The following KCNQ1 variants were observed in gnomAD, a reference collection of about 807,000 sequenced individuals.
The protein encoded by KCNQ1 is potassium voltage-gated channel subfamily KQT member 1.
In KCNQ1, 49 loss-of-function variants were observed where a neutral mutation model predicts 72.4. The observed-to-expected ratio is 0.68, with a 90% CI of 0.54 to 0.86. KCNQ1 has a LOEUF of 0.86. Ranked by LOEUF, KCNQ1 falls within the 40% of genes least tolerant of loss-of-function variation. The pLI is 0.00. For missense variants in KCNQ1, 790 were observed against 945.1 expected (o/e 0.84, Z 2.15); for synonymous variants, 450 against 412.6 (o/e 1.09, Z -1.10).
chr11:2,523,952 C>T (rs1462629555), intron 1 of KCNQ1, among the ~76,000 whole-genome samples: 4 of 151,842 alleles, frequency 2.6e-5, no homozygotes, highest in South Asian at 4.2e-4. Context: ...GTGCATGACT[C>T]GCAGACATGG....
chr11:2,641,395 T>C (rs1849574782), intron 10 of KCNQ1: 1 of 367,894 alleles, frequency 2.7e-6, no homozygotes, highest in Admixed American at 4.7e-5. Context: ...GATGTTGGGC[T>C]TTTTTTTTTA....
rs1484270750 is a variant in KCNQ1 at position 2,598,617 on chromosome 11, A to G, written c.1393+9763A>G. Among the ~76,000 whole-genome samples, 4 of 152,120 alleles carry G rather than the reference A, an allele frequency of 2.6e-5. No individual in the cohort carries two copies. Among genetic ancestry groups the G allele is most frequent in the African/African-American group, 9.7e-5 (4 of 41,398 alleles). ...TCTGCTCTGCCCTTAGTTAAAAAAAAAAAACCCTAATACATCTGCCAAATT... is the reference window on the plus strand; with the variant it reads ...TCTGCTCTGCCCTTAGTTAAAAAAAGAAAACCCTAATACATCTGCCAAATT... On this transcript the variant is annotated intron_variant, in intron 10 of 15. Transcript: ENST00000155840. The surrounding 1 kb of genome is among the most constrained non-coding windows in gnomAD (Gnocchi z 6.2).
rs1377522902 is a variant in KCNQ1 at position 2,734,675 on chromosome 11, C to G, written c.1515-34169C>G. Among the ~76,000 whole-genome samples, 3 of 151,814 alleles carry G rather than the reference C, an allele frequency of 2.0e-5. No individual in the cohort carries two copies. Among genetic ancestry groups the G allele is most frequent in the African/African-American group, 7.3e-5 (3 of 41,322 alleles). ...GGGGTAGCTTCCTGAAGAGATGAGT[C>G]AGGTCCCAGGCACATTCAGTGCCAG... On this transcript the variant is annotated intron_variant, in intron 11 of 15. Coordinates refer to ENST00000155840, the MANE Select transcript of KCNQ1 (RefSeq NM_000218.3). The surrounding 1 kb of genome is among the most constrained non-coding windows in gnomAD (Gnocchi z 7.0).
intron 11 of KCNQ1, among the ~76,000 whole-genome samples, chr11:2,707,315 C>T (rs1300016024): frequency 6.6e-6 from 1 of 152,212 alleles, no homozygotes; most frequent in Middle Eastern, 3.2e-3. Flanking sequence ...GAATAAAAAG[C>T]AGACATTGCA....
At chr11:2,489,355 C>T (rs1024392101) in intron 1 of KCNQ1, among the ~76,000 whole-genome samples, 3 of 152,222 alleles carry the variant, frequency 2.0e-5, no homozygotes, top group African/African-American at 7.2e-5. Context: ...AGCATTTAAA[C>T]CAGCCCTAGC....
chr11:2,606,814 A>G (rs953679124), intron 10 of KCNQ1, among the ~76,000 whole-genome samples: 5 of 151,910 alleles, frequency 3.3e-5, no homozygotes, highest in African/African-American at 1.2e-4. Flanking sequence ...AAGTGGAAAG[A>G]GCAGATCTCT....
rs1266101114 is a variant in KCNQ1, at chr11:2,626,983, A to G, written c.1394-34978A>G. ...TAACATCATTAGGATTTTTATTGGG[A>G]TTACCTTGGATTTGTAGATTGTTTT... On this transcript the variant is annotated intron_variant, in intron 10 of 15. Coordinates refer to ENST00000155840, the MANE Select transcript of KCNQ1 (RefSeq NM_000218.3). The surrounding 1 kb of genome is among the most constrained non-coding windows in gnomAD (Gnocchi z 4.0). 6 of 398,380 alleles carry G rather than the reference A, an allele frequency of 1.5e-5. No individual in the cohort carries two copies. Among genetic ancestry groups the G allele is most frequent in the Non-Finnish European group, 2.7e-5 (6 of 226,034 alleles). The allele number at this position is 398,380 out of a possible 1,614,324, so 24.7% of individuals were successfully genotyped here.
rs1205376840 is a variant in KCNQ1 at position 2,849,019 on chromosome 11, G to C, written c.*1016G>C. 2.6e-5 allele frequency: 12 copies of C among 454,028 alleles called. No homozygotes were observed. The highest frequency in any genetic ancestry group is 5.3e-5 in the Non-Finnish European group (12 of 226,790). 28.1% of individuals were successfully genotyped at this position (454,028 alleles called of 1,614,324 possible). ...CTGGGCTGGGCACTGCTCTCACCTT[G>C]GTTCCTGGGGCATCCATGGGGTCTC... On this transcript the variant is annotated 3_prime_UTR_variant, in exon 16 of 16. Transcript: ENST00000155840.
Position 2,508,651 on chromosome 11 carries a change from C to T in KCNQ1, c.387-19277C>T, listed in dbSNP as rs1191591013. Among the ~76,000 whole-genome samples, 3 of 152,114 alleles carry T rather than the reference C, an allele frequency of 2.0e-5. No individual in the cohort carries two copies. Among genetic ancestry groups the T allele is most frequent in the African/African-American group, 7.2e-5 (3 of 41,402 alleles). ...TCAGAGCACAGAGGGTGTGGGTGAC[C>T]CAGATATCCTGTTGTTGCTCAGAGA... On this transcript the variant is annotated intron_variant, in intron 1 of 15. Coordinates refer to ENST00000155840, the MANE Select transcript of KCNQ1 (RefSeq NM_000218.3). The surrounding 1 kb of genome is among the most constrained non-coding windows in gnomAD (Gnocchi z 6.2).
intron 10 of KCNQ1, chr11:2,644,811 G>A (rs1444839073): frequency 1.0e-5 from 4 of 398,508 alleles, no homozygotes; most frequent in African/African-American, 8.2e-5. Context: ...TTTTTCAGCT[G>A]TAAACAGCAC....
intron 11 of KCNQ1, chr11:2,693,313 T>C (rs1850618961): frequency 1.5e-5 from 6 of 398,690 alleles, no homozygotes; most frequent in Non-Finnish European, 2.2e-5. Flanking sequence ...CCCACAGGCC[T>C]GGGCCCTCTC....
Position 2,446,748 on chromosome 11 carries a change from C to T in KCNQ1, c.386+1264C>T, listed in dbSNP as rs1013780150. On this transcript the variant is annotated intron_variant, in intron 1 of 15. Transcript: ENST00000155840. The surrounding 1 kb of genome is among the most constrained non-coding windows in gnomAD (Gnocchi z 8.8). ...GGTGATCTTGGAGACTTTTCCCCAC[C>T]CCAGCTCCCAAGCCCCTGTCTCCTG... Among the ~76,000 whole-genome samples, 7 of 152,200 alleles carry T rather than the reference C, an allele frequency of 4.6e-5. No homozygotes were observed. Among genetic ancestry groups the T allele is most frequent in the Non-Finnish European group, 1.0e-4 (7 of 68,036 alleles).
intron 1 of KCNQ1, among the ~76,000 whole-genome samples, chr11:2,519,229 C>T (rs368966992): frequency 2.6e-4 from 40 of 152,344 alleles, no homozygotes; most frequent in African/African-American, 8.9e-4. Context: ...CCATGTCCCG[C>T]CTGTGCCGGG....
chr11:2,611,436 T>C lies in KCNQ1; in HGVS notation c.1393+22582T>C, dbSNP rs1489933214. 1 of 397,798 alleles carries C rather than the reference T, an allele frequency of 2.5e-6. No homozygotes were observed. Among genetic ancestry groups the C allele is most frequent in the Non-Finnish European group, 4.4e-6 (1 of 226,078 alleles). The allele number at this position is 397,798 out of a possible 1,614,324, so 24.6% of individuals were successfully genotyped here. A position where few individuals can be genotyped will look rare whatever the true frequency, so the allele number is the denominator to read the frequency against. On this transcript the variant is annotated intron_variant, in intron 10 of 15. Coordinates refer to ENST00000155840, the MANE Select transcript of KCNQ1 (RefSeq NM_000218.3). The surrounding 1 kb of genome is among the most constrained non-coding windows in gnomAD (Gnocchi z 5.3). ...CATGTTGACCAGGCTGGTCTTGAACTCCTGACCTCGAGTGATCTGTCTGCC... is the reference window on the plus strand; with the variant it reads ...CATGTTGACCAGGCTGGTCTTGAACCCCTGACCTCGAGTGATCTGTCTGCC...
Position 2,482,458 on chromosome 11 carries a change from T to C in KCNQ1, c.386+36974T>C, listed in dbSNP as rs868263218. Among the ~76,000 whole-genome samples the C allele has an allele frequency of 1.3e-5, 2 of 152,158 alleles. No homozygotes were observed. Among genetic ancestry groups the C allele is most frequent in the Non-Finnish European group, 1.5e-5 (1 of 68,030 alleles). The stretch of plus-strand genomic sequence containing the variant: ...GCTGTAAATAGCATTGTGATGCAAA[T>C]CCTTGTACACTCATTTTTGCCTGGA... On this transcript the variant is annotated intron_variant, in intron 1 of 15. Coordinates refer to ENST00000155840, the MANE Select transcript of KCNQ1 (RefSeq NM_000218.3). The surrounding 1 kb of genome is among the most constrained non-coding windows in gnomAD (Gnocchi z 5.7).
At position 2,623,696 on chromosome 11, in the gene KCNQ1, A is replaced by G. The variant is rs1396842591; in HGVS notation, c.1393+34842A>G. Reference sequence around the variant, plus strand: ...ATGGAAGGACATCTCGGTTGCTTCCAATTTCAACAATCACAAATAAAGCTT... The same window carrying G: ...ATGGAAGGACATCTCGGTTGCTTCCGATTTCAACAATCACAAATAAAGCTT... On this transcript the variant is annotated intron_variant, in intron 10 of 15. Coordinates refer to ENST00000155840, the MANE Select transcript of KCNQ1 (RefSeq NM_000218.3). This position sits in a 1 kb window ranked among gnomAD's most constrained non-coding sequence, Gnocchi z 5.2. 3 of 398,436 alleles carry G rather than the reference A, an allele frequency of 7.5e-6. No homozygotes were observed. The highest frequency in any genetic ancestry group is 1.3e-5 in the Non-Finnish European group (3 of 226,040). 24.7% of individuals were successfully genotyped at this position (398,436 alleles called of 1,614,324 possible).
intron 10 of KCNQ1, among the ~76,000 whole-genome samples, chr11:2,606,629 G>C (rs1848884415): frequency 6.6e-6 from 1 of 152,120 alleles, no homozygotes; most frequent in African/African-American, 2.4e-5. Context: ...AGAACTGTGA[G>C]CCAATTAAAA....
intron 15 of KCNQ1, among the ~76,000 whole-genome samples, chr11:2,833,616 C>T (rs1243369685): frequency 1.3e-5 from 2 of 152,182 alleles, no homozygotes; most frequent in Non-Finnish European, 2.9e-5. Context: ...GGCAGGCTTC[C>T]CCGCTTCACT....
chr11:2,737,767 A>G (rs1407762704), intron 11 of KCNQ1, among the ~76,000 whole-genome samples: 2 of 152,172 alleles, frequency 1.3e-5, no homozygotes, highest in African/African-American at 4.8e-5. Flanking sequence ...CCTCGCTGCC[A>G]GGGAGAGTGG....
Sources: gnomAD v4.1 joint callset for allele counts (sites outside exome capture counted in the v4.1 genomes callset) on GRCh38, gnomAD v4.1.1 for gene constraint, Gnocchi (gnomAD v3.1) non-coding constraint, MANE v1.5 for transcripts, NCBI Gene and HGNC (gene_info 2026-07-23, HGNC 2026-07-21) for gene names.